The following ESR1 variants were observed in gnomAD, a reference collection of about 807,000 sequenced individuals.
The protein encoded by ESR1 is estrogen receptor.
ESR1 carries 12 observed loss-of-function variants against 52.7 expected under a neutral mutation model. The observed-to-expected ratio is 0.23, with a 90% CI of 0.15 to 0.37. The LOEUF is 0.37. ESR1 is among the 10% of genes least tolerant of loss of function. ESR1 has a pLI of 1.00. For synonymous variants in ESR1, 305 were observed against 316.8 expected, an observed-to-expected ratio of 0.96 and a Z score of 0.39; for missense variants, 584 against 779.7, an observed-to-expected ratio of 0.75 and a Z score of 2.99.
At chr6:152,090,791 A>C (rs1343214575) in intron 6 of ESR1, among the ~76,000 whole-genome samples, 1 of 152,176 alleles carries the variant, frequency 6.6e-6, no homozygotes, top group African/African-American at 2.4e-5. Flanking sequence ...GACTGGGTTG[A>C]GATGTCTTGT....
intron 4 of ESR1, among the ~76,000 whole-genome samples, chr6:151,985,256 A>G (rs1461506907): frequency 2.0e-5 from 3 of 152,056 alleles, no homozygotes; most frequent in African/African-American, 7.3e-5. Flanking sequence ...CTGTAATCCC[A>G]GCACTGTGGG....
chr6:151,743,301 A>T (rs2128061429), intron 2 of ESR1, among the ~76,000 whole-genome samples: 1 of 152,236 alleles, frequency 6.6e-6, no homozygotes, highest in South Asian at 2.1e-4. Context: ...CAGTAGAGAC[A>T]TTCTGGTCAC....
At chr6:152,004,084 G>A (rs566328696) in intron 4 of ESR1, among the ~76,000 whole-genome samples, 9 of 152,024 alleles carry the variant, frequency 5.9e-5, no homozygotes, top group Non-Finnish European at 7.4e-5. Flanking sequence ...TCTAAATAGA[G>A]AAGTTCATAC....
chr6:152,126,772 G>C (rs1204760633), exon 7 of ESR1: 1 of 152,170 alleles, frequency 6.6e-6, no homozygotes, highest in Non-Finnish European at 1.5e-5. Flanking sequence ...CCCTTCAAAA[G>C]AAAGTGTGTA....
chr6:151,865,646 G>A lies in ESR1; in HGVS notation c.644-15009G>A, dbSNP rs143265439. On this transcript the variant is annotated intron_variant, in intron 2 of 7. Transcript: ENST00000206249. The stretch of plus-strand genomic sequence containing the variant: ...CGACAAGGAGACATAGACCTCAGGT[G>A]AGTGAGAAAAGAGAATAATTGAAGT... Among the ~76,000 whole-genome samples, 606 of 152,330 alleles carry A rather than the reference G, an allele frequency of 4.0e-3. 2 individuals carry two copies. The highest frequency in any genetic ancestry group is 8.5e-3 in the Admixed American group (130 of 15,302).
intron 2 of ESR1, among the ~76,000 whole-genome samples, chr6:151,735,533 C>A (rs1237665897): frequency 6.6e-6 from 1 of 152,098 alleles, no homozygotes; most frequent in East Asian, 1.9e-4. Flanking sequence ...GGAAGTCTTG[C>A]CTCAGTGGGA....
rs568333789 is a variant in ESR1 at position 151,715,660 on chromosome 6, T to C, written c.-71+13655T>C. On this transcript the variant is annotated intron_variant, in intron 2 of 2. Coordinates refer to the ESR1 transcript ENST00000404742. ...ACTTGTGTATGCTTCATAAAGTTCT[T>C]GTGCTGTGTTTCTCAGCTCCATCAG... Among the ~76,000 whole-genome samples, 8 of 152,328 alleles carry C rather than the reference T, an allele frequency of 5.3e-5. No individual in the cohort carries two copies. The South Asian group carries it at 8.3e-4, about 16-fold the overall frequency.
intron 1 of ESR1, among the ~76,000 whole-genome samples, chr6:151,835,561 A>G (rs982252501): frequency 2.6e-5 from 4 of 152,122 alleles, no homozygotes; most frequent in African/African-American, 9.7e-5. Flanking sequence ...GCAAAGTTGA[A>G]CCCCTGTGAA....
rs755020320 is a variant in ESR1, at chr6:152,011,739, C to T, written c.1180C>T (p.Arg394Cys). 1.9e-6 allele frequency: 3 copies of T among 1,613,060 alleles called. No individual in the cohort carries two copies. The highest frequency in any genetic ancestry group is 1.1e-5 in the South Asian group (1 of 91,054). ...LEILMIGLVW[R>C]SMEHPGKLLF... Reference sequence around the variant, plus strand: ...GATCCTGATGATTGGTCTCGTCTGGCGCTCCATGGAGCACCCAGGGAAGCT... The same window carrying T: ...GATCCTGATGATTGGTCTCGTCTGGTGCTCCATGGAGCACCCAGGGAAGCT... Residue 394 changes from arginine (R) to cysteine (C), a missense_variant, in exon 5 of 8, where the codon CGC (arginine) becomes TGC (cysteine). Around this residue, in one of 6 missense-constraint regions of ESR1, gnomAD observed 141 missense variants for 289.3 expected, o/e 0.49. Transcript: ENST00000206249.
intron 5 of ESR1, among the ~76,000 whole-genome samples, chr6:152,055,296 T>C (rs540929119): frequency 3.3e-5 from 5 of 152,308 alleles, no homozygotes; most frequent in African/African-American, 1.2e-4. Context: ...AATTTACATA[T>C]CCAACCAAGC....
rs868362155 is a variant in ESR1 at position 151,849,942 on chromosome 6, C to A, written c.643+7155C>A. On this transcript the variant is annotated intron_variant, in intron 2 of 7. Coordinates refer to ENST00000206249, the MANE Select transcript of ESR1 (RefSeq NM_000125.4). ...TCTTCAATCTCAGCTTCTTTTTCTT[C>A]TTCATCCTTCTCTTTCCACCTAGTT... 3.7e-5 allele frequency among the ~76,000 whole-genome samples: 5 copies of A among 136,604 alleles called. 1 individual carries two copies. Among genetic ancestry groups the A allele is most frequent in the Non-Finnish European group, 7.7e-5 (5 of 65,288 alleles). 89.6% of individuals were successfully genotyped at this position (136,604 alleles called of 152,430 possible). A position where few individuals can be genotyped will look rare whatever the true frequency, so the allele number is the denominator to read the frequency against.
intron 4 of ESR1, among the ~76,000 whole-genome samples, chr6:151,966,427 G>A (rs2038280448): frequency 6.6e-6 from 1 of 151,796 alleles, no homozygotes; most frequent in Non-Finnish European, 1.5e-5. Context: ...TTTTATTCGG[G>A]CTCTGTGAAA....
chr6:151,698,909 T>A (rs907021862), intron 1 of ESR1, among the ~76,000 whole-genome samples: 2 of 152,098 alleles, frequency 1.3e-5, no homozygotes, highest in Non-Finnish European at 2.9e-5. Flanking sequence ...TCCGGATCAC[T>A]CAATCTTCAC....
chr6:152,027,328 C>G (rs56899672), intron 5 of ESR1, among the ~76,000 whole-genome samples: 3,605 of 126,696 alleles, frequency 0.028, 124 homozygotes, highest in African/African-American at 0.12. Context: ...CTTATATGCA[C>G]ATTTCTTTAG....
intron 2 of ESR1, among the ~76,000 whole-genome samples, chr6:151,795,039 A>G (rs1313016917): frequency 6.6e-6 from 1 of 152,172 alleles, no homozygotes; most frequent in Non-Finnish European, 1.5e-5. Context: ...ATGGAGCAAA[A>G]TAGCAAGAAG....
At chr6:151,909,226 A>G (rs1797888493) in intron 3 of ESR1, among the ~76,000 whole-genome samples, 1 of 152,216 alleles carries the variant, frequency 6.6e-6, no homozygotes, top group Non-Finnish European at 1.5e-5. Flanking sequence ...GCTCAAGGGA[A>G]AAACCCTGTT....
chr6:151,749,630 C>A (rs894884154), intron 2 of ESR1, among the ~76,000 whole-genome samples: 1 of 152,180 alleles, frequency 6.6e-6, no homozygotes, highest in Non-Finnish European at 1.5e-5. Context: ...AATACACTGG[C>A]AAGCCACTTC....
chr6:151,972,141 C>T (rs568467534), intron 4 of ESR1, among the ~76,000 whole-genome samples: 3 of 151,864 alleles, frequency 2.0e-5, no homozygotes, highest in Admixed American at 1.3e-4. Context: ...TAGCAAGCAG[C>T]GAGATTGAAA....
At chr6:152,095,086 T>C (rs139750210) in intron 7 of ESR1, among the ~76,000 whole-genome samples, 40 of 152,310 alleles carry the variant, frequency 2.6e-4, no homozygotes, top group African/African-American at 9.6e-4. Flanking sequence ...GTTGGACTTC[T>C]GTGCCAGTCA....
Sources: gnomAD v4.1 joint callset for allele counts (sites outside exome capture counted in the v4.1 genomes callset) on GRCh38, gnomAD v4.1.1 for gene constraint, gnomAD v4.1.1 regional missense constraint, MANE v1.5 for transcripts, NCBI Gene and HGNC (gene_info 2026-07-23, HGNC 2026-07-21) for gene names.